The following MBOAT7 variants were observed in gnomAD, a reference collection of about 807,000 sequenced individuals.
The protein encoded by MBOAT7 is membrane-bound acylglycerophosphatidylinositol O-acyltransferase MBOAT7.
A neutral mutation model predicts 47.4 loss-of-function variants in MBOAT7; 40 were observed. That is an observed-to-expected ratio of 0.84 (90% CI 0.66 to 1.10). The LOEUF (loss-of-function observed/expected upper bound fraction) is 1.10. Among genes scored for constraint, MBOAT7 ranks in the 50% least tolerant of loss-of-function variants. MBOAT7 has a pLI of 0.00. For synonymous variants in MBOAT7, 361 were observed against 292.0 expected (o/e 1.24, Z -2.41); for missense variants, 680 against 655.6 (o/e 1.04, Z -0.41).
rs1288111280 is a variant in MBOAT7 at position 54,180,751 on chromosome 19, A to G, written c.854+22T>C. 7 of 1,480,774 alleles carry G rather than the reference A, an allele frequency of 4.7e-6. No individual in the cohort carries two copies. The highest frequency in any genetic ancestry group is 1.4e-5 in the African/African-American group (1 of 70,654). 91.7% of individuals were successfully genotyped at this position (1,480,774 alleles called of 1,614,324 possible). ...AGGTGGGGGCTGCTGGGTCTTGGGA[A>G]GCCTCCCTCGCGCCGCCTGACCTGC... On this transcript the variant is annotated intron_variant, in intron 6 of 7. Coordinates refer to ENST00000245615, the MANE Select transcript of MBOAT7 (RefSeq NM_024298.5). This position sits in a 1 kb window ranked among gnomAD's most constrained non-coding sequence, Gnocchi z 5.2.
At chr19:54,185,921 C>T (rs980320236) in intron 4 of MBOAT7, among the ~76,000 whole-genome samples, 1 of 151,884 alleles carries the variant, frequency 6.6e-6, no homozygotes, top group Non-Finnish European at 1.5e-5. Context: ...GTCTCAAACT[C>T]CTAACCTCAG....
At chr19:54,184,904 C>CA (rs71195748) in intron 4 of MBOAT7, among the ~76,000 whole-genome samples, 1,982 of 88,308 alleles carry the variant, frequency 0.022, 55 homozygotes, top group African/African-American at 0.065. Flanking sequence ...AACTCCGTCT[C>CA]AAAAAAAAAA....
chr19:54,178,313 C>T (rs978071346), intron 7 of MBOAT7: 6 of 1,029,838 alleles, frequency 5.8e-6, no homozygotes, highest in Admixed American at 5.1e-5. Context: ...ATACACAGCA[C>T]GCACTTACCT....
rs1378041956 is a variant in MBOAT7 at position 54,174,108 on chromosome 19, G to A, written c.1355C>T (p.Pro452Leu). 1 of 1,606,666 alleles carries A rather than the reference G, an allele frequency of 6.2e-7. No homozygotes were observed. The highest frequency in any genetic ancestry group is 8.5e-7 in the Non-Finnish European group (1 of 1,177,110). Residue 452 changes from proline to leucine, a missense_variant, in exon 8 of 8, where the codon CCC (proline) becomes CTC (leucine). By Grantham distance (98) the Pro-to-Leu change is moderately conservative (BLOSUM62 -3). Transcript: ENST00000245615. ...CTGGGATGCTGCCTTCCGCCGGCTGGGGCTGCCCCCACCTAAAGCCAGCCC... is the reference window on the plus strand; with the variant it reads ...CTGGGATGCTGCCTTCCGCCGGCTGAGGCTGCCCCCACCTAAAGCCAGCCC... The part of the protein sequence containing the change: ...GLGLALGGGS[P>L]SRRKAASQPT...
intron 4 of MBOAT7, 111 bp from the exon 5 acceptor site, chr19:54,183,791 C>T: frequency 9.0e-7 from 1 of 1,105,490 alleles, no homozygotes; most frequent in Non-Finnish European, 1.2e-6. Context: ...GTGCCCGCAG[C>T]TCTGCCCATC....
intron 4 of MBOAT7, among the ~76,000 whole-genome samples, chr19:54,186,302 A>G (rs1196402207): frequency 6.6e-6 from 1 of 152,228 alleles, no homozygotes; most frequent in African/African-American, 2.4e-5. Context: ...GGCGTGAGCT[A>G]CTGTGCCCAG....
chr19:54,173,813 GT>G lies in MBOAT7; in HGVS notation c.*230del, dbSNP rs1165488989. ...TACCCAGAAGCTGGAGCAGGGGCCA[GT>G]GACTCTTGTCTGGACAATACTTTGA... On this transcript the variant is annotated 3_prime_UTR_variant, in exon 8 of 8. Coordinates refer to ENST00000245615, the MANE Select transcript of MBOAT7 (RefSeq NM_024298.5). 4.1e-6 allele frequency: 2 copies of G among 484,988 alleles called. No homozygotes were observed. Among genetic ancestry groups the G allele is most frequent in the Non-Finnish European group, 7.1e-6 (2 of 281,434 alleles). The allele number at this position is 484,988 out of a possible 1,614,324, so 30.0% of individuals were successfully genotyped here. A position where few individuals can be genotyped will look rare whatever the true frequency, so the allele number is the denominator to read the frequency against.
At chr19:54,175,037 G>A (rs558537562) in intron 7 of MBOAT7, among the ~76,000 whole-genome samples, 5 of 146,416 alleles carry the variant, frequency 3.4e-5, no homozygotes, top group Middle Eastern at 6.9e-3. Context: ...GTGCAGTGGC[G>A]CGATCTTGGC....
chr19:54,188,175 C>CT, intron 3 of MBOAT7, 42 bp downstream of exon 3: 1 of 1,546,316 alleles, frequency 6.5e-7, no homozygotes, highest in Non-Finnish European at 8.7e-7. Flanking sequence ...TTGCTTCCCC[C>CT]TCTCCCCTCC....
intron 5 of MBOAT7, among the ~76,000 whole-genome samples, chr19:54,181,624 AGGG>A (rs2076273456): frequency 7.4e-5 from 2 of 27,046 alleles, no homozygotes; most frequent in African/African-American, 1.5e-4. Context: ...CCAGGGAGGG[AGGG>A]AGGGAGGGAG....
chr19:54,177,444 C>G (rs943930806), intron 7 of MBOAT7, among the ~76,000 whole-genome samples: 1 of 151,570 alleles, frequency 6.6e-6, no homozygotes, highest in African/African-American at 2.4e-5. Flanking sequence ...TACATGCACC[C>G]GCCGCCACAC....
intron 7 of MBOAT7, among the ~76,000 whole-genome samples, chr19:54,177,349 G>A (rs1019688178): frequency 6.6e-6 from 1 of 151,776 alleles, no homozygotes; most frequent in Non-Finnish European, 1.5e-5. Context: ...AGGCTGGAGT[G>A]CAGTGGCGCG....
chr19:54,178,036 G>A (rs989764721), intron 7 of MBOAT7, among the ~76,000 whole-genome samples: 48 of 142,536 alleles, frequency 3.4e-4, no homozygotes, highest in African/African-American at 1.0e-3. Flanking sequence ...TCAGCCTCCC[G>A]AGTAGCTGGG....
In MBOAT7 at chr19:54,180,080, AG is replaced by A. The variant is rs35066522; in HGVS notation, c.854+692del. 6.6e-6 allele frequency: 1 copy of A among 152,184 alleles called. No individual in the cohort carries two copies. The highest frequency in any genetic ancestry group is 2.4e-5 in the African/African-American group (1 of 41,428). 9.4% of individuals were successfully genotyped at this position (152,184 alleles called of 1,614,324 possible). On this transcript the variant is annotated intron_variant, in intron 6 of 7. Coordinates refer to ENST00000245615, the MANE Select transcript of MBOAT7 (RefSeq NM_024298.5). The surrounding 1 kb of genome is among the most constrained non-coding windows in gnomAD (Gnocchi z 5.2). ...CAACAAGGGTCAACCCATAGTTTCC[AG>A]GGGGAGGTTTGGCTTCCTTAGCAAC...
At chr19:54,186,056 C>G (rs541367674) in intron 4 of MBOAT7, among the ~76,000 whole-genome samples, 3 of 151,048 alleles carry the variant, frequency 2.0e-5, no homozygotes, top group Middle Eastern at 3.6e-3. Context: ...TCTTGTTGCC[C>G]AGGCTGGAGT....
At position 54,174,272 on chromosome 19, in the gene MBOAT7, C is replaced by T; in HGVS notation, c.1191G>A (p.Trp397Ter). ...LSPGGQKAWDWVHWFLKMRAY... is the reference protein window; with the variant it reads ...LSPGGQKAWD ...CGCGCATCTTCAGGAACCAGTGCAC[C>T]CAGTCCCAGGCCTTCTGGCCCCCTG... The change falls in exon 8 of 8, where the codon TGG becomes TGA. Residue 397 changes from tryptophan to a stop codon, truncating the protein, a stop_gained. Coordinates refer to ENST00000245615, the MANE Select transcript of MBOAT7 (RefSeq NM_024298.5). LOFTEE classifies it high-confidence loss of function. The T allele has an allele frequency of 1.2e-6, 2 of 1,612,130 alleles. No individual in the cohort carries two copies. The highest frequency in any genetic ancestry group is 1.7e-6 in the Non-Finnish European group (2 of 1,178,986).
In MBOAT7 at chr19:54,184,904, C is replaced by CAA. The variant is rs71195748; in HGVS notation, c.334-1226_334-1225dup. Among the ~76,000 whole-genome samples the CAA allele has an allele frequency of 7.7e-3, 682 of 88,398 alleles. 7 individuals carry two copies. The highest frequency in any genetic ancestry group is 0.026 in the African/African-American group (644 of 25,008). 58.0% of individuals were successfully genotyped at this position (88,398 alleles called of 152,430 possible). ...GGGCAACAGGAGTGAAACTCCGTCT[C>CAA]AAAAAAAAAAAAAAAAAATTTAGGG... is the stretch of plus-strand genomic sequence containing the variant. On this transcript the variant is annotated intron_variant, in intron 4 of 7. Coordinates refer to ENST00000245615, the MANE Select transcript of MBOAT7 (RefSeq NM_024298.5).
intron 7 of MBOAT7, among the ~76,000 whole-genome samples, chr19:54,176,244 C>T (rs2076105193): frequency 1.3e-5 from 2 of 152,156 alleles, no homozygotes; most frequent in Admixed American, 6.5e-5. Context: ...TCACCTTGGC[C>T]TCCCAAAATA....
At chr19:54,174,576 C>T in intron 7 of MBOAT7, 145 bp from the exon 8 acceptor site, 1 of 767,798 alleles carries the variant, frequency 1.3e-6, no homozygotes, top group Non-Finnish European at 1.9e-6. Context: ...ACCCAGGAGT[C>T]CAGACCCCAC....
Sources: allele counts gnomAD v4.1 joint callset (sites outside exome capture counted in the v4.1 genomes callset), GRCh38; gene constraint gnomAD v4.1.1; non-coding constraint Gnocchi (gnomAD v3.1); transcripts MANE v1.5; gene names NCBI Gene and HGNC (gene_info 2026-07-23, HGNC 2026-07-21).